TRIM2: variants seen among roughly 807,000 people sequenced by gnomAD.
TRIM2 encodes the protein tripartite motif-containing protein 2.
Under a neutral mutation model 75.2 loss-of-function variants are expected in TRIM2, and 20 were observed. The ratio of observed to expected loss-of-function variants is 0.27; its 90% CI spans 0.19 to 0.39. TRIM2 has a LOEUF of 0.39. Among genes scored for constraint, TRIM2 ranks in the 10% least tolerant of loss-of-function variants. TRIM2 has a pLI of 1.00. For synonymous variants in TRIM2, 373 were observed against 388.3 expected (o/e 0.96, Z 0.46); for missense variants, 660 against 990.8 (o/e 0.67, Z 4.48).
intron 3 of TRIM2, among the ~76,000 whole-genome samples, chr4:153,277,325 C>T (rs1465887348): frequency 2.6e-5 from 4 of 152,192 alleles, no homozygotes; most frequent in African/African-American, 9.7e-5. Context: ...CCACCTGTAC[C>T]GTCTAACACA....
At chr4:153,290,264 C>A in intron 3 of TRIM2, among the ~76,000 whole-genome samples, 1 of 152,178 alleles carries the variant, frequency 6.6e-6, no homozygotes, top group East Asian at 1.9e-4. Context: ...GAATTTTTTT[C>A]TAATAACAAG....
intron 1 of TRIM2, among the ~76,000 whole-genome samples, chr4:153,169,578 A>ATTTG (rs1730642628): frequency 6.6e-6 from 1 of 152,166 alleles, no homozygotes; most frequent in African/African-American, 2.4e-5. Flanking sequence ...TTTTGTAAAT[A>ATTTG]TATACAACTG....
intron 3 of TRIM2, among the ~76,000 whole-genome samples, chr4:153,286,700 A>C (rs867992641): frequency 6.6e-6 from 1 of 151,384 alleles, no homozygotes; most frequent in South Asian, 2.1e-4. Flanking sequence ...GATTTTTGTA[A>C]TTTGAGTCTT....
chr4:153,276,414 G>T, intron 3 of TRIM2: 1 of 491,000 alleles, frequency 2.0e-6, no homozygotes, highest in Non-Finnish European at 3.5e-6. Context: ...AAACATCTGT[G>T]TAATAAATTT....
At chr4:153,260,667 C>T (rs1330816890) in intron 1 of TRIM2, among the ~76,000 whole-genome samples, 1 of 124,852 alleles carries the variant, frequency 8.0e-6, no homozygotes, top group Non-Finnish European at 1.7e-5. Context: ...CCCCCCAAAA[C>T]ACACACACCC....
intron 1 of TRIM2, among the ~76,000 whole-genome samples, chr4:153,163,495 C>CTTTTTTT (rs70949644): frequency 2.0e-5 from 2 of 98,678 alleles, no homozygotes; most frequent in African/African-American, 4.4e-5. Context: ...AGATTTACAT[C>CTTTTTTT]TTTTTTTTTT....
At chr4:153,167,743 G>A (rs1730456561) in intron 1 of TRIM2, among the ~76,000 whole-genome samples, 1 of 152,158 alleles carries the variant, frequency 6.6e-6, no homozygotes, top group South Asian at 2.1e-4. Flanking sequence ...CAATTGCCTG[G>A]AGAAAACTGC....
intron 1 of TRIM2, among the ~76,000 whole-genome samples, chr4:153,247,227 TCCTGGGACTGG>T (rs1578939237): frequency 6.6e-6 from 1 of 152,264 alleles, no homozygotes; most frequent in South Asian, 2.1e-4. Context: ...CTCTCTTCCT[TCCTGGGACTGG>T]CCTGGGACTA....
intron 1 of TRIM2, among the ~76,000 whole-genome samples, chr4:153,255,297 A>G (rs1751799423): frequency 6.6e-6 from 1 of 152,248 alleles, no homozygotes; most frequent in South Asian, 2.1e-4. Context: ...CTGGAAGCCC[A>G]GCAACAAGAC....
intron 1 of TRIM2, among the ~76,000 whole-genome samples, chr4:153,173,738 C>T (rs150024286): frequency 6.6e-6 from 1 of 151,346 alleles, no homozygotes; most frequent in African/African-American, 2.4e-5. Context: ...GAGGCCAAGA[C>T]GGGTGGATCC....
At chr4:153,316,779 G>A (rs917109602) in intron 8 of TRIM2, among the ~76,000 whole-genome samples, 19 of 147,690 alleles carry the variant, frequency 1.3e-4, no homozygotes, top group Admixed American at 1.2e-3. Context: ...TGTCATCAAA[G>A]AATTGTATCA....
intron 1 of TRIM2, among the ~76,000 whole-genome samples, chr4:153,184,043 A>G (rs1732340887): frequency 6.6e-6 from 1 of 152,128 alleles, no homozygotes; most frequent in Non-Finnish European, 1.5e-5. Context: ...GCAGCAGTGG[A>G]AGGCTAAGCT....
chr4:153,336,568 G>A lies in TRIM2; in HGVS notation c.*1602G>A. On this transcript the variant is annotated 3_prime_UTR_variant, in exon 12 of 12. Transcript: ENST00000338700. ...TCAGTTCTACCAAATAGGATGTCAT[G>A]TTTGACATTTTTGATAGTGACTTTG... 3 of 985,804 alleles carry A rather than the reference G, an allele frequency of 3.0e-6. No homozygotes were observed. The highest frequency in any genetic ancestry group is 3.6e-6 in the Non-Finnish European group (3 of 829,918). The allele number at this position is 985,804 out of a possible 1,614,324, so 61.1% of individuals were successfully genotyped here.
At position 153,295,693 on chromosome 4, in the gene TRIM2, C is replaced by T. The variant is rs778071561; in HGVS notation, c.1167C>T (p.Asn389=). 3.1e-6 allele frequency: 5 copies of T among 1,613,808 alleles called. No individual in the cohort carries two copies. The highest frequency in any genetic ancestry group is 2.2e-5 in the East Asian group (1 of 44,880). Residue 389 remains asparagine (N), a synonymous_variant, in exon 6 of 12, where the codon AAC becomes AAT. Transcript: ENST00000338700. This position sits in a 1 kb window ranked among gnomAD's most constrained non-coding sequence, Gnocchi z 7.2. ...ACGGTGAGCTGTGCAAAACCGGCAACGCCTACCTCACCGCCGAACTGAGCA... is the reference window on the plus strand; with the variant it reads ...ACGGTGAGCTGTGCAAAACCGGCAATGCCTACCTCACCGCCGAACTGAGCA... ...DKDGELCKTG[N]AYLTAELSTP...
At chr4:153,253,843 AC>A (rs34737295) in intron 1 of TRIM2, among the ~76,000 whole-genome samples, 2 of 151,996 alleles carry the variant, frequency 1.3e-5, no homozygotes, top group African/African-American at 4.8e-5. Flanking sequence ...TGAATAATCC[AC>A]CCCTTGTTTA....
At chr4:153,332,677 A>T (rs1318712755) in intron 11 of TRIM2, among the ~76,000 whole-genome samples, 1 of 152,108 alleles carries the variant, frequency 6.6e-6, no homozygotes. Flanking sequence ...AGCAAAAGGC[A>T]TAAAGAGAAA....
chr4:153,186,058 G>A (rs1457194386), intron 1 of TRIM2, among the ~76,000 whole-genome samples: 1 of 152,140 alleles, frequency 6.6e-6, no homozygotes, highest in African/African-American at 2.4e-5. Context: ...CAACTAAGGT[G>A]GGGGAAATGC....
intron 6 of TRIM2, among the ~76,000 whole-genome samples, chr4:153,310,668 A>G (rs943151673): frequency 2.6e-5 from 4 of 152,170 alleles, no homozygotes; most frequent in Admixed American, 2.0e-4. Flanking sequence ...ATAATCTCCA[A>G]TACGACAAAA....
At chr4:153,301,168 G>A (rs1361329201) in intron 6 of TRIM2, among the ~76,000 whole-genome samples, 1 of 151,332 alleles carries the variant, frequency 6.6e-6, no homozygotes, top group African/African-American at 2.4e-5. Context: ...TCCAGCCTGA[G>A]TGACAGAGCG....
Sources: gnomAD v4.1 joint callset for allele counts (sites outside exome capture counted in the v4.1 genomes callset) on GRCh38, gnomAD v4.1.1 for gene constraint, Gnocchi (gnomAD v3.1) non-coding constraint, MANE v1.5 for transcripts, NCBI Gene and HGNC (gene_info 2026-07-23, HGNC 2026-07-21) for gene names.